The following IGFN1 variants were observed in gnomAD, a reference collection of about 807,000 sequenced individuals.
IGFN1 encodes immunoglobulin-like and fibronectin type III domain-containing protein 1.
IGFN1 carries 253 observed loss-of-function variants against 289.5 expected under a neutral mutation model. That is an observed-to-expected ratio of 0.87 (90% CI 0.79 to 0.97). IGFN1 has a LOEUF of 0.97. Ranked by LOEUF, IGFN1 falls within the 50% of genes least tolerant of loss-of-function variation. The probability of loss-of-function intolerance (pLI) is 0.00; values close to 1 mark genes in which losing one functional copy is unlikely to be tolerated. For missense variants in IGFN1, 4,470 were observed against 4,686.1 expected (o/e 0.95, Z 1.35); for synonymous variants, 1,706 against 1,788.5 (o/e 0.95, Z 1.16).
chr1:201,202,378 C>T (rs1379978840), intron 9 of IGFN1, among the ~76,000 whole-genome samples: 1 of 152,194 alleles, frequency 6.6e-6, no homozygotes, highest in African/African-American at 2.4e-5. Context: ...GGACCTGTCT[C>T]ATGGTGTACT....
At chr1:201,227,884 T>C (rs1048270186) in intron 23 of IGFN1, among the ~76,000 whole-genome samples, 1 of 152,250 alleles carries the variant, frequency 6.6e-6, no homozygotes, top group African/African-American at 2.4e-5. Context: ...CTTAAGTATG[T>C]CAAGATATGA....
chr1:201,202,953 C>T (rs1053085143), intron 9 of IGFN1, among the ~76,000 whole-genome samples: 5 of 152,044 alleles, frequency 3.3e-5, no homozygotes, highest in African/African-American at 9.7e-5. Flanking sequence ...GACAGGGTTT[C>T]ACCATGTTGG....
chr1:201,224,739 G>A lies in IGFN1; in HGVS notation c.10351G>A (p.Val3451Met), dbSNP rs369654657. Reference protein sequence around the residue: ...KDGLPLPKRSVTVTKDGLTQL... With the variant: ...KDGLPLPKRSMTVTKDGLTQL... ...TGGCTTGCCCTTGCCCAAAAGAAGTGTGACTGTCACTAAGGATGGCCTCAC... is the reference window on the plus strand; with the variant it reads ...TGGCTTGCCCTTGCCCAAAAGAAGTATGACTGTCACTAAGGATGGCCTCAC... The change falls in exon 21 of 24, where the codon GTG (valine) becomes ATG (methionine). Residue 3451 changes from valine to methionine, a missense_variant. By Grantham distance (21) the Val-to-Met change is conservative (BLOSUM62 1). Coordinates refer to ENST00000335211, the MANE Select transcript of IGFN1 (RefSeq NM_001164586.2). 3.1e-6 allele frequency: 5 copies of A among 1,614,114 alleles called. No individual in the cohort carries two copies. The African/African-American group carries it at 5.3e-5, about 17-fold the overall frequency.
At position 201,217,268 on chromosome 1, in the gene IGFN1, G is replaced by C. The variant is rs1476050175; in HGVS notation, c.9596-19G>C. The C allele has an allele frequency of 6.2e-7, 1 of 1,610,244 alleles. No homozygotes were observed. ...CCTTTCCCAGGCCTCTGGCTGACTGGAATCTTTCTTACCCCCAGCTCTCCC... is the reference window on the plus strand; with the variant it reads ...CCTTTCCCAGGCCTCTGGCTGACTGCAATCTTTCTTACCCCCAGCTCTCCC... On this transcript the variant is annotated intron_variant, in intron 16 of 23. Coordinates refer to ENST00000335211, the MANE Select transcript of IGFN1 (RefSeq NM_001164586.2).
In IGFN1 at chr1:201,212,413, G is replaced by C; in HGVS notation, c.7520G>C (p.Gly2507Ala). 1.3e-6 allele frequency: 2 copies of C among 1,537,046 alleles called. No homozygotes were observed. The highest frequency in any genetic ancestry group is 1.7e-6 in the Non-Finnish European group (2 of 1,146,808). ...SGTPGSSRDR[G>A]APRVKDRSPD... ...ACTCCAGGGTCTTCTAGAGACAGAGGGGCTCCCAGGGTGAAGGATAGGTCT... is the reference window on the plus strand; with the variant it reads ...ACTCCAGGGTCTTCTAGAGACAGAGCGGCTCCCAGGGTGAAGGATAGGTCT... The change falls in exon 12 of 24, where the codon GGG becomes GCG. Residue 2507 changes from glycine to alanine, a missense_variant. Physicochemically the swap from Gly to Ala is moderately conservative, Grantham distance 60 (BLOSUM62 0). Around this residue, in one of 8 missense-constraint regions of IGFN1, gnomAD observed 2,218 missense variants for 2,114.1 expected, o/e 1.05. Coordinates refer to ENST00000335211, the MANE Select transcript of IGFN1 (RefSeq NM_001164586.2).
chr1:201,196,002 G>A (rs781445208), intron 4 of IGFN1, 24 bp downstream of exon 4: 1 of 1,549,522 alleles, frequency 6.5e-7, no homozygotes, highest in South Asian at 1.2e-5. Flanking sequence ...CTCTTCCCCT[G>A]ACCAGGGTCT....
In IGFN1 at chr1:201,206,272, C is replaced by A. The variant is rs1425847720; in HGVS notation, c.1379C>A (p.Pro460Gln). 8 of 1,548,714 alleles carry A rather than the reference C, an allele frequency of 5.2e-6. No individual in the cohort carries two copies. The African/African-American group carries it at 8.2e-5, about 16-fold the overall frequency. ...PASGLQHIAS[P>Q]DRDGLGRHGY... ...TCTGGGCTCCAGCACATAGCCAGCC[C>A]AGACAGGGATGGCCTTGGCAGACAT... The change falls in exon 12 of 24, where the codon CCA becomes CAA. Residue 460 changes from proline (P) to glutamine (Q), a missense_variant. By Grantham distance (76) the Pro-to-Gln change is moderately conservative. This residue lies in a region of IGFN1 where 2,011 missense variants were observed against 1,953.4 expected (regional missense o/e 1.03). Coordinates refer to ENST00000335211, the MANE Select transcript of IGFN1 (RefSeq NM_001164586.2).
chr1:201,214,008 C>T (rs1667968145), intron 12 of IGFN1, among the ~76,000 whole-genome samples, 169 bp from the exon 13 acceptor site: 4 of 152,220 alleles, frequency 2.6e-5, no homozygotes. Flanking sequence ...TGCTTGGGCT[C>T]CTGTCTGGGA....
rs1217284749 is a variant in IGFN1, at chr1:201,197,236, G to A, written c.286G>A (p.Glu96Lys). The A allele has an allele frequency of 1.0e-5, 16 of 1,550,562 alleles. No homozygotes were observed. Among genetic ancestry groups the A allele is most frequent in the Admixed American group, 2.0e-5 (1 of 50,970 alleles). Residue 96 changes from glutamate to lysine, a missense_variant, in exon 5 of 24, where the codon GAG (glutamate) becomes AAG (lysine). Glu to Lys is a moderately conservative substitution (Grantham distance 56). Around this residue, in one of 8 missense-constraint regions of IGFN1, gnomAD observed 2,011 missense variants for 1,953.4 expected, o/e 1.03. Transcript: ENST00000335211. ...HVLQINKLTG[E>K]DTDLYRCTAV... Reference sequence around the variant, plus strand: ...TCTGCAGATCAACAAGCTGACAGGCGAGGACACGGATCTGTACCGCTGCAC... The same window carrying A: ...TCTGCAGATCAACAAGCTGACAGGCAAGGACACGGATCTGTACCGCTGCAC...
intron 13 of IGFN1, 34 bp from the exon 14 acceptor site, chr1:201,214,979 G>T: frequency 6.2e-7 from 1 of 1,605,004 alleles, no homozygotes; most frequent in South Asian, 1.1e-5. Flanking sequence ...GATGGGAGTG[G>T]GGTGACCTTC....
intron 15 of IGFN1, 114 bp from the exon 16 acceptor site, chr1:201,216,340 T>C (rs962806557): frequency 4.5e-6 from 3 of 666,682 alleles, no homozygotes; most frequent in Non-Finnish European, 6.4e-6. Flanking sequence ...TATCTGCTGA[T>C]GAGTGGATGG....
Position 201,207,175 on chromosome 1 carries a change from G to C in IGFN1, c.2282G>C (p.Arg761Pro), listed in dbSNP as rs186252214. ...DSLQEADGIC[R>P]GESVVTGSAY... ...CTGCAGGAGGCAGATGGTATATGCC[G>C]GGGGGAGTCTGTAGTTACAGGAAGT... The change falls in exon 12 of 24, where the codon CGG becomes CCG. Residue 761 changes from arginine (R) to proline (P), a missense_variant. Arg to Pro is a moderately radical substitution (Grantham distance 103, BLOSUM62 -2). Transcript: ENST00000335211. 9 of 1,536,688 alleles carry C rather than the reference G, an allele frequency of 5.9e-6. No individual in the cohort carries two copies. In the Admixed American group the frequency reaches 1.8e-4, roughly 30 times the overall value.
chr1:201,203,775 C>G lies in IGFN1; in HGVS notation c.785C>G (p.Thr262Ser), dbSNP rs900690544. The G allele has an allele frequency of 1.9e-6, 3 of 1,551,842 alleles. No homozygotes were observed. The highest frequency in any genetic ancestry group is 2.0e-5 in the Admixed American group (1 of 51,006). The change falls in exon 10 of 24, where the codon ACC (threonine) becomes AGC (serine). Residue 262 changes from threonine to serine, a missense_variant. This residue lies in a region of IGFN1 where 2,011 missense variants were observed against 1,953.4 expected (regional missense o/e 1.03). Coordinates refer to ENST00000335211, the MANE Select transcript of IGFN1 (RefSeq NM_001164586.2). ...EMIPYGFNNQTKHCLRRLGKR... is the reference protein window; with the variant it reads ...EMIPYGFNNQSKHCLRRLGKR... The stretch of plus-strand genomic sequence containing the variant: ...ATCCCCTATGGCTTCAACAACCAAA[C>G]CAAGCACTGTCTGCGCCGGCTGGGG...
Position 201,208,112 on chromosome 1 carries a change from A to G in IGFN1, c.3219A>G (p.Ser1073=), listed in dbSNP as rs1198741486. 1.3e-6 allele frequency: 2 copies of G among 1,536,890 alleles called. No individual in the cohort carries two copies. The highest frequency in any genetic ancestry group is 4.9e-5 in the East Asian group (2 of 40,890). The part of the protein sequence containing the change: ...AGMDPRGGHH[S]DGGLGSPGVT... The stretch of plus-strand genomic sequence containing the variant: ...TGGACCCTAGGGGAGGGCACCATTC[A>G]GATGGTGGCCTAGGGAGTCCTGGGG... The change falls in exon 12 of 24, where the codon TCA becomes TCG. Residue 1073 remains serine (S), a synonymous_variant. Transcript: ENST00000335211.
rs569637630 is a variant in IGFN1 at position 201,216,438 on chromosome 1, C to T, written c.9296-16C>T. 2.6e-6 allele frequency: 4 copies of T among 1,531,862 alleles called. No individual in the cohort carries two copies. Among genetic ancestry groups the T allele is most frequent in the Admixed American group, 2.0e-5 (1 of 50,216 alleles). The allele number at this position is 1,531,862 out of a possible 1,614,324, so 94.9% of individuals were successfully genotyped here. A position where few individuals can be genotyped will look rare whatever the true frequency, so the allele number is the denominator to read the frequency against. On this transcript the variant is annotated splice_polypyrimidine_tract_variant and intron_variant, in intron 15 of 23. Transcript: ENST00000335211. ...TCTGACCCCTCCTCTTCCCGCTCCT[C>T]TCTGTGGGTCCCCAGACAAGCCTGA... is the stretch of plus-strand genomic sequence containing the variant.
intron 13 of IGFN1, 45 bp downstream of exon 13, chr1:201,214,346 G>A: frequency 6.4e-7 from 1 of 1,559,044 alleles, no homozygotes. Flanking sequence ...GGGAGGGACA[G>A]AGGTAAAGCA....
Position 201,208,224 on chromosome 1 carries a change from A to G in IGFN1, c.3331A>G (p.Ser1111Gly). 6.5e-7 allele frequency: 1 copy of G among 1,536,634 alleles called. No homozygotes were observed. The highest frequency in any genetic ancestry group is 8.7e-7 in the Non-Finnish European group (1 of 1,146,786). ...GGGATGTGTGGAAGCAGAACCAGAG[A>G]GCTCTGGAAGAATAAGGCCTTGGGG... The part of the protein sequence containing the change: ...GMGCVEAEPE[S>G]SGRIRPWGQT... Residue 1111 changes from serine (S) to glycine (G), a missense_variant, in exon 12 of 24, where the codon AGC (serine) becomes GGC (glycine). Around this residue, in one of 8 missense-constraint regions of IGFN1, gnomAD observed 2,011 missense variants for 1,953.4 expected, o/e 1.03. Transcript: ENST00000335211.
Position 201,203,819 on chromosome 1 carries a change from A to T in IGFN1, c.829A>T (p.Ile277Phe). Reference protein sequence around the residue: ...RRLGKRYEFQIQDLRPEDSGI... With the variant: ...RRLGKRYEFQFQDLRPEDSGI... ...GCTGGGGAAGCGCTATGAGTTCCAG[A>T]TTCAAGACCTGAGGCCTGAGGACTC... The change falls in exon 10 of 24, where the codon ATT becomes TTT. Residue 277 changes from isoleucine to phenylalanine, a missense_variant. By Grantham distance (21) the Ile-to-Phe change is conservative. Around this residue, in one of 8 missense-constraint regions of IGFN1, gnomAD observed 2,011 missense variants for 1,953.4 expected, o/e 1.03. Coordinates refer to ENST00000335211, the MANE Select transcript of IGFN1 (RefSeq NM_001164586.2). The T allele has an allele frequency of 6.4e-7, 1 of 1,551,706 alleles. No homozygotes were observed. Among genetic ancestry groups the T allele is most frequent in the South Asian group, 1.2e-5 (1 of 84,050 alleles).
In IGFN1 at chr1:201,207,938, G is replaced by A. The variant is rs557096408; in HGVS notation, c.3045G>A (p.Ala1015=). Residue 1015 remains alanine, a synonymous_variant, in exon 12 of 24, where the codon GCG becomes GCA. Coordinates refer to ENST00000335211, the MANE Select transcript of IGFN1 (RefSeq NM_001164586.2). ...GTGGGTACAGGCATGGCTCCGGAGC[G>A]CCTGGGGGAGTGTGGTCTGGAAATG... The part of the protein sequence containing the change: ...EGGGYRHGSG[A]PGGVWSGNED... 1.7e-5 allele frequency: 26 copies of A among 1,536,814 alleles called. No homozygotes were observed. The highest frequency in any genetic ancestry group is 4.9e-5 in the East Asian group (2 of 40,902).
Sources: gnomAD v4.1 joint callset for allele counts (sites outside exome capture counted in the v4.1 genomes callset) on GRCh38, gnomAD v4.1.1 for gene constraint, gnomAD v4.1.1 regional missense constraint, MANE v1.5 for transcripts, NCBI Gene and HGNC (gene_info 2026-07-23, HGNC 2026-07-21) for gene names.